MATCAP1: variants seen among roughly 807,000 people sequenced by gnomAD.
MATCAP1 encodes microtubule-associated tyrosine carboxypeptidase 1.
the MATCAP1 span, chr16:67,176,027 T>C: frequency 6.8e-6 from 1 of 147,682 alleles, no homozygotes; most frequent in South Asian, 2.1e-4. This position sits in a 1 kb window ranked among gnomAD's most constrained non-coding sequence, Gnocchi z 4.3. Flanking sequence ...AAGGGAGCTC[T>C]TGGGCTTGAC....
the MATCAP1 span, chr16:67,176,702 AC>A: frequency 1.1e-5 from 12 of 1,062,776 alleles, no homozygotes; most frequent in African/African-American, 1.6e-5. This position sits in a 1 kb window ranked among gnomAD's most constrained non-coding sequence, Gnocchi z 4.3. Flanking sequence ...CCCTCCCAAC[AC>A]CCCCAAGAAA....
chr16:67,178,564 C>G, the MATCAP1 span: 1 of 1,412,996 alleles, frequency 7.1e-7, no homozygotes, highest in Non-Finnish European at 9.6e-7. Flanking sequence ...CGCCTGCGAG[C>G]CCAGCCCTGG....
chr16:67,179,489 G>A, the MATCAP1 span: 16 of 1,612,710 alleles, frequency 9.9e-6, no homozygotes, highest in Admixed American at 1.2e-4. This position sits in a 1 kb window ranked among gnomAD's most constrained non-coding sequence, Gnocchi z 5.2. Context: ...CAGGTTGATC[G>A]CCAATGTGGG....
At chr16:67,177,677 C>G in the MATCAP1 span, among the ~76,000 whole-genome samples, 1 of 152,202 alleles carries the variant, frequency 6.6e-6, no homozygotes, top group African/African-American at 2.4e-5. Context: ...CAGATGAAAT[C>G]TACTTTCCTC....
chr16:67,180,116 C>G, the MATCAP1 span: 31 of 1,614,200 alleles, frequency 1.9e-5, no homozygotes, highest in Admixed American at 5.2e-4. Flanking sequence ...GGTACTCAAA[C>G]TGTGGATTGT....
chr16:67,179,234 A>C, the MATCAP1 span: 1 of 1,416,068 alleles, frequency 7.1e-7, no homozygotes, highest in Non-Finnish European at 9.2e-7. This position sits in a 1 kb window ranked among gnomAD's most constrained non-coding sequence, Gnocchi z 5.2. Context: ...GCGAGCCCAG[A>C]GCATGGGCAG....
At chr16:67,183,499 C>T in the MATCAP1 span, 1 of 152,254 alleles carries the variant, frequency 6.6e-6, no homozygotes, top group African/African-American at 2.4e-5. Context: ...CCCCTGAACT[C>T]CCCGAAGGCA....
At chr16:67,179,949 T>C in the MATCAP1 span, 1 of 1,614,102 alleles carries the variant, frequency 6.2e-7, no homozygotes, top group Non-Finnish European at 8.5e-7. The surrounding 1 kb of genome is among the most constrained non-coding windows in gnomAD (Gnocchi z 5.2). Context: ...GCCTCAATGA[T>C]GCCAACTGCC....
At chr16:67,180,210 C>T in the MATCAP1 span, 2 of 1,614,098 alleles carry the variant, frequency 1.2e-6, no homozygotes, top group African/African-American at 2.7e-5. Flanking sequence ...GGGGCTCTTG[C>T]TGGCAATATG....
the MATCAP1 span, among the ~76,000 whole-genome samples, chr16:67,181,169 AGCTTCAGCTGCCTGG>A: frequency 6.6e-6 from 1 of 152,250 alleles, no homozygotes; most frequent in South Asian, 2.1e-4. Flanking sequence ...GGTACAGTGC[AGCTTCAGCTGCCTGG>A]GCAGATTAGG....
chr16:67,180,021 G>A, the MATCAP1 span: 19,276 of 1,612,740 alleles, frequency 0.012, 1,060 homozygotes, highest in African/African-American at 0.14. Context: ...GCCAGGATAC[G>A]GTGGGGAGGC....
At chr16:67,179,905 A>G in the MATCAP1 span, 1 of 1,614,238 alleles carries the variant, frequency 6.2e-7, no homozygotes, top group Non-Finnish European at 8.5e-7. The surrounding 1 kb of genome is among the most constrained non-coding windows in gnomAD (Gnocchi z 5.2). Context: ...TGGCAGCCTC[A>G]AAGTGTTCAT....
the MATCAP1 span, chr16:67,179,795 G>T: frequency 6.2e-7 from 1 of 1,613,304 alleles, no homozygotes; most frequent in Non-Finnish European, 8.5e-7. The surrounding 1 kb of genome is among the most constrained non-coding windows in gnomAD (Gnocchi z 5.2). Flanking sequence ...GTAGAGGAAG[G>T]GCTCTGCAGG....
chr16:67,176,206 C>T, the MATCAP1 span: 1 of 153,042 alleles, frequency 6.5e-6, no homozygotes, highest in South Asian at 2.0e-4. The surrounding 1 kb of genome is among the most constrained non-coding windows in gnomAD (Gnocchi z 4.3). Context: ...CCTTCAGGAG[C>T]TGCTGCTCCC....
chr16:67,181,394 T>G, the MATCAP1 span, among the ~76,000 whole-genome samples: 1 of 152,228 alleles, frequency 6.6e-6, no homozygotes, highest in Non-Finnish European at 1.5e-5. Context: ...CAAATTAGAA[T>G]CTGCTTTTGG....
the MATCAP1 span, chr16:67,178,653 TC>T: frequency 3.4e-5 from 26 of 770,814 alleles, no homozygotes; most frequent in East Asian, 6.9e-4. Context: ...ACACAGGCTC[TC>T]CCAGCCCCAG....
the MATCAP1 span, chr16:67,176,911 T>A: frequency 1.2e-6 from 2 of 1,609,292 alleles, no homozygotes; most frequent in Non-Finnish European, 1.7e-6. This position sits in a 1 kb window ranked among gnomAD's most constrained non-coding sequence, Gnocchi z 4.3. Flanking sequence ...CTGCATGAAG[T>A]GGGGCACCCG....
At chr16:67,183,021 C>A in the MATCAP1 span, among the ~76,000 whole-genome samples, 2 of 152,198 alleles carry the variant, frequency 1.3e-5, no homozygotes, top group Non-Finnish European at 2.9e-5. Context: ...ATAAATGAAT[C>A]CAAGAGCTCT....
At chr16:67,179,600 T>C in the MATCAP1 span, 37 of 1,585,168 alleles carry the variant, frequency 2.3e-5, no homozygotes, top group Admixed American at 3.3e-5. This position sits in a 1 kb window ranked among gnomAD's most constrained non-coding sequence, Gnocchi z 5.2. Context: ...GCCACCAGCC[T>C]GGGGCCAGGG....
Sources: allele counts gnomAD v4.1 joint callset (sites outside exome capture counted in the v4.1 genomes callset), GRCh38; gene constraint gnomAD v4.1.1; non-coding constraint Gnocchi (gnomAD v3.1); transcripts MANE v1.5; gene names NCBI Gene and HGNC (gene_info 2026-07-23, HGNC 2026-07-21).